The following FOXP1 variants were observed in gnomAD, a reference collection of about 807,000 sequenced individuals.
FOXP1 encodes the protein forkhead box protein P1.
In FOXP1, 15 loss-of-function variants were observed where a neutral mutation model predicts 98.2. The observed-to-expected ratio is 0.15, with a 90% confidence interval of 0.10 to 0.24. The LOEUF (loss-of-function observed/expected upper bound fraction) is 0.24, where lower values mean the gene tolerates loss of function less well. FOXP1 is among the 10% of genes least tolerant of loss of function. FOXP1 has a pLI of 1.00. For missense variants in FOXP1, 633 were observed against 848.5 expected, an observed-to-expected ratio of 0.75 and a Z score of 3.15; for synonymous variants, 371 against 314.5, an observed-to-expected ratio of 1.18 and a Z score of -1.90.
At chr3:71,285,627 G>A (rs374647146) in intron 5 of FOXP1, among the ~76,000 whole-genome samples, 1 of 152,284 alleles carries the variant, frequency 6.6e-6, no homozygotes, top group East Asian at 1.9e-4. Context: ...TTAAATCCGA[G>A]AAAGGGTCAT....
intron 3 of FOXP1, among the ~76,000 whole-genome samples, chr3:71,393,031 T>A (rs1006295970): frequency 2.0e-5 from 3 of 152,206 alleles, no homozygotes; most frequent in Non-Finnish European, 2.9e-5. Context: ...AAATGGGCTA[T>A]TTTATTGGTG....
intron 6 of FOXP1, among the ~76,000 whole-genome samples, chr3:71,196,788 A>T (rs1410482262): frequency 1.3e-5 from 2 of 152,218 alleles, no homozygotes; most frequent in Non-Finnish European, 2.9e-5. Context: ...TTAAATGCAC[A>T]AAGTTTATAC....
intron 6 of FOXP1, among the ~76,000 whole-genome samples, chr3:71,183,195 T>C (rs1258298067): frequency 1.3e-5 from 2 of 152,006 alleles, no homozygotes; most frequent in Non-Finnish European, 2.9e-5. Flanking sequence ...GTGATGATGA[T>C]AAGAATACCA....
intron 6 of FOXP1, among the ~76,000 whole-genome samples, chr3:71,115,578 C>G (rs1434155822): frequency 6.6e-6 from 1 of 151,870 alleles, no homozygotes; most frequent in Non-Finnish European, 1.5e-5. Context: ...CTCAGGTGAT[C>G]TACCTGCCTT....
At chr3:71,530,501 G>T (rs994293534) in intron 2 of FOXP1, among the ~76,000 whole-genome samples, 6 of 152,146 alleles carry the variant, frequency 3.9e-5, no homozygotes, top group Admixed American at 3.9e-4. Flanking sequence ...AAGACAGTTG[G>T]TGTGAAAGAA....
intron 7 of FOXP1, among the ~76,000 whole-genome samples, chr3:71,076,244 A>G (rs1451558930): frequency 6.6e-6 from 1 of 152,214 alleles, no homozygotes; most frequent in African/African-American, 2.4e-5. Context: ...TCATTGTTTA[A>G]CAGGCCTACT....
At chr3:71,517,893 T>C (rs1163842342) in intron 2 of FOXP1, among the ~76,000 whole-genome samples, 1 of 152,260 alleles carries the variant, frequency 6.6e-6, no homozygotes, top group African/African-American at 2.4e-5. Flanking sequence ...CTTACCTAAG[T>C]CATATTCCGC....
chr3:71,120,695 G>A (rs1418128403), intron 6 of FOXP1, among the ~76,000 whole-genome samples: 3 of 152,166 alleles, frequency 2.0e-5, no homozygotes, highest in African/African-American at 4.8e-5. Context: ...ATCTCTGCGT[G>A]GGGACGGTGG....
chr3:71,439,162 C>CA (rs1164568674), intron 3 of FOXP1, among the ~76,000 whole-genome samples: 2 of 152,224 alleles, frequency 1.3e-5, no homozygotes, highest in Non-Finnish European at 2.9e-5. Context: ...GGGCAGACTT[C>CA]AGGCTACAAG....
intron 7 of FOXP1, among the ~76,000 whole-genome samples, chr3:71,068,612 T>C (rs770353815): frequency 1.1e-4 from 17 of 152,194 alleles, no homozygotes; most frequent in Non-Finnish European, 1.8e-4. Flanking sequence ...TTAATTCAAG[T>C]TTGCTGTCTT....
At chr3:71,427,692 C>T (rs562599738) in intron 3 of FOXP1, among the ~76,000 whole-genome samples, 14 of 152,106 alleles carry the variant, frequency 9.2e-5, no homozygotes, top group African/African-American at 2.7e-4. Flanking sequence ...ATGATACAAG[C>T]GATGGACGGA....
chr3:71,559,507 A>C (rs1343698806), intron 2 of FOXP1, among the ~76,000 whole-genome samples: 1 of 152,176 alleles, frequency 6.6e-6, no homozygotes, highest in Non-Finnish European at 1.5e-5. Flanking sequence ...AGAATGGCCA[A>C]CCAGAGCACT....
intron 3 of FOXP1, among the ~76,000 whole-genome samples, chr3:71,390,739 C>A (rs909035716): frequency 6.6e-6 from 1 of 152,146 alleles, no homozygotes; most frequent in African/African-American, 2.4e-5. Context: ...GCAGACGTGG[C>A]CCAAGTTAAA....
intron 4 of FOXP1, among the ~76,000 whole-genome samples, chr3:71,353,941 T>C (rs1169810389): frequency 1.3e-5 from 2 of 152,164 alleles, no homozygotes; most frequent in Non-Finnish European, 2.9e-5. Context: ...ATACAGACTT[T>C]GGTTTTCTAT....
At chr3:71,343,321 T>A (rs2077122326) in intron 4 of FOXP1, among the ~76,000 whole-genome samples, 1 of 152,204 alleles carries the variant, frequency 6.6e-6, no homozygotes, top group Non-Finnish European at 1.5e-5. Context: ...CATTGATTTT[T>A]TTTTCTTTAA....
intron 13 of FOXP1, among the ~76,000 whole-genome samples, chr3:70,993,435 G>A (rs2040912028): frequency 6.6e-6 from 1 of 152,310 alleles, no homozygotes; most frequent in East Asian, 1.9e-4. Context: ...ACAATAAAAG[G>A]AGCACAGGCT....
intron 5 of FOXP1, among the ~76,000 whole-genome samples, chr3:71,203,455 T>C (rs1486980568): frequency 6.6e-6 from 1 of 152,218 alleles, no homozygotes; most frequent in Non-Finnish European, 1.5e-5. Context: ...GCCAATGTAT[T>C]TATAGTAAAT....
intron 20 of FOXP1, among the ~76,000 whole-genome samples, chr3:70,960,352 C>T (rs1051024841): frequency 2.6e-5 from 4 of 152,130 alleles, no homozygotes; most frequent in East Asian, 3.9e-4. Context: ...CTGGTAGCAG[C>T]CACTGGGATG....
intron 11 of FOXP1, among the ~76,000 whole-genome samples, chr3:71,035,977 T>C (rs908034772): frequency 6.6e-6 from 1 of 151,622 alleles, no homozygotes; most frequent in African/African-American, 2.4e-5. Context: ...GAATTTAGTT[T>C]AAAAAAGAAA....
Sources: allele counts gnomAD v4.1 joint callset (sites outside exome capture counted in the v4.1 genomes callset), GRCh38; gene constraint gnomAD v4.1.1; transcripts MANE v1.5; gene names NCBI Gene and HGNC (gene_info 2026-07-23, HGNC 2026-07-21).